GFRA2: variants seen among roughly 807,000 people sequenced by gnomAD.
GFRA2 encodes the protein GDNF family receptor alpha-2.
Under a neutral mutation model 48.3 loss-of-function variants are expected in GFRA2, and 17 were observed. The observed-to-expected ratio is 0.35, with a 90% CI of 0.24 to 0.53. The LOEUF (loss-of-function observed/expected upper bound fraction) is 0.53. Ranked by LOEUF, GFRA2 falls within the 20% of genes least tolerant of loss-of-function variation. The probability of loss-of-function intolerance (pLI) is 0.93; values close to 1 mark genes in which losing one functional copy is unlikely to be tolerated. For synonymous variants in GFRA2, 305 were observed against 257.2 expected (o/e 1.19, Z -1.78); for missense variants, 660 against 637.3 (o/e 1.04, Z -0.38).
chr8:21,784,242 G>C (rs890484133), intron 1 of GFRA2: 10 of 454,120 alleles, frequency 2.2e-5, no homozygotes, highest in Non-Finnish European at 4.0e-5. Flanking sequence ...CACAGACATC[G>C]TCTTCCCAGT....
At chr8:21,731,458 T>C (rs145523885) in intron 4 of GFRA2, among the ~76,000 whole-genome samples, 2 of 152,240 alleles carry the variant, frequency 1.3e-5, no homozygotes, top group African/African-American at 4.8e-5. Context: ...CCTTCTCTCT[T>C]TTCCAAAGTC....
intron 4 of GFRA2, among the ~76,000 whole-genome samples, chr8:21,711,139 G>C (rs931030389): frequency 2.0e-5 from 3 of 152,318 alleles, no homozygotes; most frequent in Admixed American, 2.0e-4. Flanking sequence ...GGTGATCTCT[G>C]TGCCTTCTCT....
At chr8:21,719,069 G>A (rs1803473992) in intron 4 of GFRA2, among the ~76,000 whole-genome samples, 1 of 152,104 alleles carries the variant, frequency 6.6e-6, no homozygotes, top group Non-Finnish European at 1.5e-5. Context: ...TCTCTCCTCT[G>A]GGGGAGCCAT....
At chr8:21,696,142 G>GTCCCC (rs1267983361) in intron 7 of GFRA2, among the ~76,000 whole-genome samples, 28 of 5,684 alleles carry the variant, frequency 4.9e-3, no homozygotes, top group African/African-American at 0.019. Context: ...CTCTCCCTCT[G>GTCCCC]TCCCCTCTCC....
intron 4 of GFRA2, among the ~76,000 whole-genome samples, chr8:21,728,984 C>A (rs1332396957): frequency 6.6e-6 from 1 of 152,178 alleles, no homozygotes; most frequent in African/African-American, 2.4e-5. Flanking sequence ...TAGGCCTGTG[C>A]CCGAGTGGCA....
intron 7 of GFRA2, among the ~76,000 whole-genome samples, chr8:21,700,010 G>T (rs954352036): frequency 7.9e-5 from 12 of 152,324 alleles, no homozygotes; most frequent in African/African-American, 2.9e-4. Context: ...CAGGCGGAAG[G>T]CAACCTGGTG....
chr8:21,697,649 TA>T (rs756872731), intron 7 of GFRA2, among the ~76,000 whole-genome samples: 67 of 152,288 alleles, frequency 4.4e-4, no homozygotes, highest in Non-Finnish European at 6.6e-4. Context: ...AACTCGCACA[TA>T]ACCACTGATA....
rs1392690432 is a variant in GFRA2 at position 21,779,985 on chromosome 8, GTCT to G, written c.355+2597_355+2599del. Among the ~76,000 whole-genome samples the G allele has an allele frequency of 4.0e-5, 6 of 151,170 alleles. No homozygotes were observed. In the East Asian group the frequency reaches 9.8e-4, roughly 25 times the overall value. Reference sequence around the variant, plus strand: ...GCACCATTCCACAGAAGACCCTTCTGTCTTCTTCATGGCAACATCGCCATCACT... The same window carrying G: ...GCACCATTCCACAGAAGACCCTTCTGTCTTCATGGCAACATCGCCATCACT... On this transcript the variant is annotated intron_variant, in intron 2 of 8. Transcript: ENST00000524240.
chr8:21,749,996 T>C (rs1805201606), intron 4 of GFRA2, among the ~76,000 whole-genome samples: 1 of 151,974 alleles, frequency 6.6e-6, no homozygotes, highest in African/African-American at 2.4e-5. Flanking sequence ...GAAGGTAGTT[T>C]TGGGGGGTAT....
intron 4 of GFRA2, among the ~76,000 whole-genome samples, chr8:21,728,025 C>T (rs1478071448): frequency 1.3e-5 from 2 of 152,104 alleles, no homozygotes; most frequent in Non-Finnish European, 2.9e-5. Context: ...ATAAACTCCT[C>T]ATCACATACA....
At chr8:21,760,457 G>A (rs1235692479) in intron 3 of GFRA2, among the ~76,000 whole-genome samples, 1 of 152,146 alleles carries the variant, frequency 6.6e-6, no homozygotes, top group Non-Finnish European at 1.5e-5. Context: ...TGGGAGGAGA[G>A]AGAGAAATCA....
At chr8:21,793,066 CAA>C (rs201302835), upstream of GFRA2, among the ~76,000 whole-genome samples, 19 of 146,412 alleles carry the variant, frequency 1.3e-4, no homozygotes, top group African/African-American at 4.7e-4. Flanking sequence ...GACCCTGCCT[CAA>C]AAAAAAAAGA....
chr8:21,700,384 G>C (rs1038677457), intron 7 of GFRA2, among the ~76,000 whole-genome samples: 19 of 152,226 alleles, frequency 1.2e-4, no homozygotes, highest in African/African-American at 4.3e-4. Context: ...CTGAGAGTAG[G>C]ACCTAAGACA....
In GFRA2 at chr8:21,746,870, CA is replaced by C. The variant is rs142717303; in HGVS notation, c.794+3717del. ...ACTGACACAGACGTTCTCCAAGCCA[CA>C]AGTTACCCTGCTCCAAACTCCCCCA... On this transcript the variant is annotated intron_variant, in intron 4 of 8. Coordinates refer to ENST00000524240, the MANE Select transcript of GFRA2 (RefSeq NM_001495.5). Among the ~76,000 whole-genome samples, 1,233 of 152,226 alleles carry C rather than the reference CA, an allele frequency of 8.1e-3. 7 individuals are homozygous for C. The highest frequency in any genetic ancestry group is 0.028 in the African/African-American group (1,174 of 41,528).
chr8:21,726,396 T>C (rs1474512567), intron 4 of GFRA2, among the ~76,000 whole-genome samples: 1 of 152,178 alleles, frequency 6.6e-6, no homozygotes, highest in Non-Finnish European at 1.5e-5. Context: ...AGACCCCGCC[T>C]CACTAGCTTC....
intron 2 of GFRA2, among the ~76,000 whole-genome samples, chr8:21,803,864 G>A (rs1408362109): frequency 1.3e-5 from 2 of 152,146 alleles, no homozygotes; most frequent in East Asian, 1.9e-4. Context: ...AACTCCCAGC[G>A]ACCCAAAGCA....
At chr8:21,811,389 A>G (rs12548155) in intron 1 of GFRA2, among the ~76,000 whole-genome samples, 15,846 of 152,178 alleles carry the variant, frequency 0.1, 934 homozygotes, top group Middle Eastern at 0.19. Flanking sequence ...ACCAGCTCTT[A>G]GGGAACTCGG....
chr8:21,711,999 T>A (rs2117400339), intron 4 of GFRA2, among the ~76,000 whole-genome samples: 1 of 152,268 alleles, frequency 6.6e-6, no homozygotes. Flanking sequence ...GGGTTGGGGG[T>A]AAGGTCACAG....
chr8:21,701,676 TATC>T (rs1802487373), intron 7 of GFRA2, among the ~76,000 whole-genome samples: 2 of 152,190 alleles, frequency 1.3e-5, no homozygotes, highest in Non-Finnish European at 2.9e-5. Context: ...CTTTCGCATG[TATC>T]ATGTCACATA....
Sources: gnomAD v4.1 joint callset for allele counts (sites outside exome capture counted in the v4.1 genomes callset) on GRCh38, gnomAD v4.1.1 for gene constraint, MANE v1.5 for transcripts, NCBI Gene and HGNC (gene_info 2026-07-23, HGNC 2026-07-21) for gene names.